PSG5: variants seen among roughly 807,000 people sequenced by gnomAD.
The protein encoded by PSG5 is pregnancy-specific beta-1-glycoprotein 5.
A neutral mutation model predicts 37.7 loss-of-function variants in PSG5; 53 were observed. The ratio of observed to expected loss-of-function variants is 1.41; its 90% CI spans 1.13 to 1.77. The LOEUF (loss-of-function observed/expected upper bound fraction) is 1.77. Ranked by LOEUF, PSG5 falls within the 40% of genes most tolerant of loss-of-function variation. The probability of loss-of-function intolerance (pLI) is 0.00; values close to 1 mark genes in which losing one functional copy is unlikely to be tolerated. For missense variants in PSG5, 547 were observed against 405.2 expected (o/e 1.35, Z -3.00); for synonymous variants, 221 against 155.4 (o/e 1.42, Z -3.14).
chr19:43,184,662 G>C lies in PSG5; in HGVS notation c.430+120C>G, dbSNP rs111533954. ...GTGTCCTGCACTAAATGCCCAAACC[G>C]CAGCATGGGACATAATGCAGAGAGG... On this transcript the variant is annotated intron_variant, in intron 2 of 5. Transcript: ENST00000342951. 1.1e-4 allele frequency: 167 copies of C among 1,554,244 alleles called. 2 individuals are homozygous for C. The highest frequency in any genetic ancestry group is 6.7e-4 in the East Asian group (30 of 44,506).
At chr19:43,175,618 A>C (rs1968992171) in intron 3 of PSG5, 149 bp from the exon 4 acceptor site, 8 of 1,423,320 alleles carry the variant, frequency 5.6e-6, no homozygotes, top group Non-Finnish European at 7.6e-6. Context: ...CCAAAGCCTG[A>C]GGTATTCACC....
intron 4 of PSG5, 43 bp downstream of exon 4, chr19:43,175,161 GCCAGGTAGACT>G: frequency 1.2e-6 from 2 of 1,611,596 alleles, no homozygotes; most frequent in South Asian, 2.2e-5. Flanking sequence ...TTCTCTGAAA[GCCAGGTAGACT>G]CCACCTAAAA....
intron 1 of PSG5, among the ~76,000 whole-genome samples, chr19:43,185,429 AC>A (rs56339663): frequency 0.39 from 51,243 of 131,928 alleles, 9,543 homozygotes; most frequent in Non-Finnish European, 0.45. Flanking sequence ...TCCACACGGC[AC>A]CCCCCCCCCC....
At chr19:43,180,866 A>G (rs1034906309) in intron 2 of PSG5, among the ~76,000 whole-genome samples, 2 of 151,600 alleles carry the variant, frequency 1.3e-5, no homozygotes, top group African/African-American at 4.9e-5. Flanking sequence ...GGGAGGAAGG[A>G]TGCCAAATTA....
At chr19:43,178,920 A>C (rs754533633) in intron 2 of PSG5, 5 of 1,612,830 alleles carry the variant, frequency 3.1e-6, no homozygotes, top group East Asian at 2.2e-5. Context: ...GCTGGCACTC[A>C]CTGGGTTCCG....
At chr19:43,179,133 G>T (rs374273848) in intron 2 of PSG5, 2 of 1,599,162 alleles carry the variant, frequency 1.3e-6, no homozygotes, top group Non-Finnish European at 1.7e-6. Context: ...GTTGCTACTG[G>T]AGATGGAGGG....
Position 43,168,773 on chromosome 19 carries a change from C to A in PSG5, c.*41-570G>T, listed in dbSNP as rs1046423423. 7.3e-5 allele frequency among the ~76,000 whole-genome samples: 11 copies of A among 151,508 alleles called. 1 individual carries two copies. The highest frequency in any genetic ancestry group is 2.7e-4 in the African/African-American group (11 of 41,076). The stretch of plus-strand genomic sequence containing the variant: ...ATGTTTTCTACACAATTTAATATAT[C>A]AAATAAGGTGGCTTTTCCATTCAGC... On this transcript the variant is annotated intron_variant, in intron 5 of 5. Coordinates refer to ENST00000342951, the MANE Select transcript of PSG5 (RefSeq NM_002781.4).
chr19:43,172,901 T>C (rs922216473), intron 4 of PSG5, among the ~76,000 whole-genome samples: 1 of 151,568 alleles, frequency 6.6e-6, no homozygotes, highest in Non-Finnish European at 1.5e-5. Flanking sequence ...ATATTGCATC[T>C]CATGACTCTA....
At chr19:43,176,178 T>C (rs763609585) in intron 2 of PSG5, 30 bp from the exon 3 acceptor site, 10 of 1,606,422 alleles carry the variant, frequency 6.2e-6, no homozygotes, top group Admixed American at 1.7e-5. Context: ...AAGATTGTCC[T>C]GTGTGGCACC....
intron 5 of PSG5, among the ~76,000 whole-genome samples, chr19:43,168,587 T>G (rs1247718229): frequency 1.3e-5 from 2 of 151,600 alleles, no homozygotes; most frequent in African/African-American, 4.9e-5. Flanking sequence ...TTAGCCAGGA[T>G]GGTCTCGATC....
At chr19:43,182,955 G>GA in intron 2 of PSG5, among the ~76,000 whole-genome samples, 1 of 150,176 alleles carries the variant, frequency 6.7e-6, no homozygotes, top group East Asian at 1.9e-4. Flanking sequence ...TGGGAGGTGG[G>GA]CCAGGCCACA....
chr19:43,185,003 C>G lies in PSG5; in HGVS notation c.209G>C (p.Gly70Ala). 1 of 1,612,522 alleles carries G rather than the reference C, an allele frequency of 6.2e-7. No individual in the cohort carries two copies. The highest frequency in any genetic ancestry group is 8.5e-7 in the Non-Finnish European group (1 of 1,179,158). The part of the protein sequence containing the change: ...QNLAGYIWYK[G>A]QLMDLYHYIT... ...GTAATGGTAGAGGTCCATCAGTTGT[C>G]CTTTGTACCAGATGTAGCCAGCAAG... Residue 70 changes from glycine to alanine, a missense_variant, in exon 2 of 6, where the codon GGA becomes GCA. Physicochemically the swap from Gly to Ala is moderately conservative, Grantham distance 60. Transcript: ENST00000342951.
chr19:43,185,292 T>C (rs765415497), intron 1 of PSG5, 145 bp from the exon 2 acceptor site: 1 of 1,203,904 alleles, frequency 8.3e-7, no homozygotes, highest in East Asian at 2.4e-5. Context: ...AAAAGGTGCA[T>C]GTTAGTTTGT....
chr19:43,179,784 G>T (rs116339766), intron 2 of PSG5, among the ~76,000 whole-genome samples: 1 of 151,736 alleles, frequency 6.6e-6, no homozygotes. Flanking sequence ...ACTTGAGCCA[G>T]TGACTTCTAA....
chr19:43,169,220 G>T (rs1254267013), intron 5 of PSG5, among the ~76,000 whole-genome samples: 1 of 151,512 alleles, frequency 6.6e-6, no homozygotes, highest in Admixed American at 6.6e-5. Context: ...TATGTCTCCT[G>T]GGGTAGGGAC....
Position 43,170,126 on chromosome 19 carries a change from A to C in PSG5, c.977T>G (p.Ile326Arg), listed in dbSNP as rs773797088. 3.8e-6 allele frequency: 6 copies of C among 1,587,846 alleles called. No homozygotes were observed. The East Asian group carries it at 1.4e-4, about 36-fold the overall frequency. Reference sequence around the variant, plus strand: ...TGGATTAAGGAGAGGAAGACGTCCTATTCCTGAAGGAGCTGTCATGGAAAG... The same window carrying C: ...TGGATTAAGGAGAGGAAGACGTCCTCTTCCTGAAGGAGCTGTCATGGAAAG... ...MTVEVSAPSG[I>R]GRLPLLNPI Residue 326 changes from isoleucine (I) to arginine (R), a missense_variant, in exon 5 of 6, where the codon ATA (isoleucine) becomes AGA (arginine). By Grantham distance (97) the Ile-to-Arg change is moderately conservative. Coordinates refer to ENST00000342951, the MANE Select transcript of PSG5 (RefSeq NM_002781.4).
chr19:43,183,729 C>G (rs10425412), intron 2 of PSG5, among the ~76,000 whole-genome samples: 2,354 of 151,028 alleles, frequency 0.016, 129 homozygotes, highest in African/African-American at 0.056. Context: ...CAATAAATGA[C>G]TATGGGGTCC....
At chr19:43,180,947 G>T (rs1227416526) in intron 2 of PSG5, among the ~76,000 whole-genome samples, 2 of 151,548 alleles carry the variant, frequency 1.3e-5, no homozygotes, top group Non-Finnish European at 2.9e-5. Flanking sequence ...TGCAGAGTTA[G>T]GAAAAATGGG....
In PSG5 at chr19:43,179,057, G is replaced by A. The variant is rs547523352; in HGVS notation, c.431-2909C>T. 67 of 1,612,652 alleles carry A rather than the reference G, an allele frequency of 4.2e-5. 1 individual carries two copies. The African/African-American group carries it at 6.2e-4, about 15-fold the overall frequency. On this transcript the variant is annotated intron_variant, in intron 2 of 5. Transcript: ENST00000342951. ...TCTGACCATTCATCCACCACAGGTA[G>A]CTTGTGTCTGAAGCCGCAGGATCAC...
Sources: gnomAD v4.1 joint callset for allele counts (sites outside exome capture counted in the v4.1 genomes callset) on GRCh38, gnomAD v4.1.1 for gene constraint, MANE v1.5 for transcripts, NCBI Gene and HGNC (gene_info 2026-07-23, HGNC 2026-07-21) for gene names.